GPM6B: variants seen among roughly 807,000 people sequenced by gnomAD.
The protein encoded by GPM6B is neuronal membrane glycoprotein M6-b.
Under a neutral mutation model 27.2 loss-of-function variants are expected in GPM6B, and 4 were observed. That is an observed-to-expected ratio of 0.15 (90% CI 0.07 to 0.34). GPM6B has a LOEUF of 0.34. Ranked by LOEUF, GPM6B falls within the 10% of genes least tolerant of loss-of-function variation. The probability of loss-of-function intolerance (pLI) is 1.00; values close to 1 mark genes in which losing one functional copy is unlikely to be tolerated. For missense variants in GPM6B, 183 were observed against 261.9 expected (o/e 0.70, Z 2.08); for synonymous variants, 124 against 103.1 (o/e 1.20, Z -1.23).
At chrX:13,858,263 C>T (rs2049804257) in intron 1 of GPM6B, among the ~76,000 whole-genome samples, 1 of 111,785 alleles carries the variant, frequency 8.9e-6, no homozygotes. Context: ...CTGGCTCTCT[C>T]TACACCTCTC....
At chrX:13,847,808 G>A (rs1274209327) in intron 1 of GPM6B, among the ~76,000 whole-genome samples, 5 of 112,084 alleles carry the variant, frequency 4.5e-5, no homozygotes. Context: ...GTTTAAATTG[G>A]TATGGCCATA....
At chrX:13,795,774 C>T (rs1359497530) in intron 2 of GPM6B, among the ~76,000 whole-genome samples, 4 of 92,013 alleles carry the variant, frequency 4.3e-5, no homozygotes, top group Non-Finnish European at 8.3e-5. Flanking sequence ...GATGGAGTCT[C>T]GCTCCATCTT....
At chrX:13,895,243 G>C (rs1354329184) in intron 1 of GPM6B, among the ~76,000 whole-genome samples, 1 of 111,380 alleles carries the variant, frequency 9.0e-6, no homozygotes, top group East Asian at 2.8e-4. Context: ...AATGGCTACA[G>C]TAAAACCCGT....
At chrX:13,883,826 C>T (rs890806785) in intron 1 of GPM6B, among the ~76,000 whole-genome samples, 3 of 108,663 alleles carry the variant, frequency 2.8e-5, no homozygotes, top group Non-Finnish European at 3.8e-5. Context: ...CCAGCCTGGG[C>T]GATAGCGTGA....
intron 1 of GPM6B, among the ~76,000 whole-genome samples, chrX:13,898,300 G>C (rs1285926380): frequency 8.9e-6 from 1 of 112,421 alleles, no homozygotes; most frequent in Non-Finnish European, 1.9e-5. Flanking sequence ...ATGTCTGCAA[G>C]ACATTGCCAA....
intron 1 of GPM6B, among the ~76,000 whole-genome samples, chrX:13,927,555 C>T (rs1921273557): frequency 8.9e-6 from 1 of 112,753 alleles, no homozygotes; most frequent in South Asian, 3.6e-4. Flanking sequence ...GCCTTTGGGC[C>T]TTTGTCCACA....
chrX:13,809,094 C>T (rs992360807), intron 1 of GPM6B, among the ~76,000 whole-genome samples: 2 of 111,684 alleles, frequency 1.8e-5, no homozygotes, highest in African/African-American at 6.5e-5. Flanking sequence ...GCATGTGGTA[C>T]TTATTACATT....
intron 2 of GPM6B, among the ~76,000 whole-genome samples, chrX:13,800,609 G>A (rs1262321784): frequency 8.9e-6 from 1 of 112,082 alleles, no homozygotes; most frequent in Non-Finnish European, 1.9e-5. Context: ...GGATGTGGAG[G>A]TTTGACTTTG....
At chrX:13,874,937 T>TCCCCCCC (rs71876153) in intron 1 of GPM6B, among the ~76,000 whole-genome samples, 1 of 97,375 alleles carries the variant, frequency 1.0e-5, no homozygotes, top group African/African-American at 3.9e-5. Flanking sequence ...CACATACCAA[T>TCCCCCCC]CCCCCCCCCA....
chrX:13,799,404 T>TA (rs1384660552), intron 2 of GPM6B, among the ~76,000 whole-genome samples: 39 of 102,045 alleles, frequency 3.8e-4, no homozygotes, highest in Non-Finnish European at 5.2e-4. Flanking sequence ...TTATTATTAT[T>TA]TTTTTTTTAG....
chrX:13,785,628 C>T lies in GPM6B; in HGVS notation c.362G>A (p.Ser121Asn). 1.7e-6 allele frequency: 2 copies of T among 1,210,961 alleles called. No homozygotes were observed. Among genetic ancestry groups the T allele is most frequent in the Non-Finnish European group, 2.2e-6 (2 of 894,916 alleles). Residue 121 changes from serine to asparagine, a missense_variant, in exon 3 of 8, where the codon AGC (serine) becomes AAC (asparagine). Physicochemically the swap from Ser to Asn is conservative, Grantham distance 46. Coordinates refer to ENST00000316715, the MANE Select transcript of GPM6B (RefSeq NM_001001995.3). ...AAGGGAACCGGATACTTACACCTCG[C>T]TCAGCAAGGCATGGTCACTGGCGTT... The part of the protein sequence containing the change: ...STNASDHALL[S>N]EVIQLMQYVI...
At chrX:13,903,032 G>C (rs1351949044) in intron 1 of GPM6B, among the ~76,000 whole-genome samples, 1 of 112,342 alleles carries the variant, frequency 8.9e-6, no homozygotes, top group African/African-American at 3.2e-5. Context: ...AACCTAACAT[G>C]GGTGTCAGAA....
Position 13,932,416 on chromosome X carries a change from C to T in GPM6B, c.-198+5911G>A, listed in dbSNP as rs1603151435. ...TTTCCTCAGACAGATACTCTTTTTC[C>T]TACAGGATCTTGTACTTTTATTATA... On this transcript the variant is annotated intron_variant, in intron 1 of 6. Coordinates refer to the GPM6B transcript ENST00000398361. Among the ~76,000 whole-genome samples the T allele has an allele frequency of 2.7e-5, 3 of 112,459 alleles. 1 individual carries two copies. In the Admixed American group the frequency reaches 2.8e-4, roughly 11 times the overall value.
intron 1 of GPM6B, among the ~76,000 whole-genome samples, chrX:13,914,932 CAATT>C (rs771676205): frequency 8.1e-5 from 9 of 110,674 alleles, no homozygotes; most frequent in Non-Finnish European, 1.5e-4. Flanking sequence ...AGATCTGGCC[CAATT>C]GATTGTGACT....
chrX:13,890,246 C>T lies in GPM6B; in HGVS notation c.-198+48081G>A, dbSNP rs753008481. Among the ~76,000 whole-genome samples the T allele has an allele frequency of 1.3e-4, 14 of 111,755 alleles. No individual in the cohort carries two copies. The East Asian group carries it at 3.4e-3, about 27-fold the overall frequency. Reference sequence around the variant, plus strand: ...GTCCTCACTGCTACACTCCCACCAGCGCCATGACAGTTTACAAATACCATG... The same window carrying T: ...GTCCTCACTGCTACACTCCCACCAGTGCCATGACAGTTTACAAATACCATG... On this transcript the variant is annotated intron_variant, in intron 1 of 6. Coordinates refer to the GPM6B transcript ENST00000398361.
intron 2 of GPM6B, among the ~76,000 whole-genome samples, chrX:13,789,191 T>C (rs2048666132): frequency 8.9e-6 from 1 of 111,912 alleles, no homozygotes; most frequent in Non-Finnish European, 1.9e-5. Flanking sequence ...AGGGTTAAGA[T>C]TGCATGTGTG....
intron 1 of GPM6B, among the ~76,000 whole-genome samples, chrX:13,812,328 C>T (rs1211468434): frequency 1.8e-5 from 2 of 110,416 alleles, no homozygotes; most frequent in Admixed American, 9.6e-5. Flanking sequence ...GGTGGGATTA[C>T]AGGCGTGAGC....
intron 1 of GPM6B, among the ~76,000 whole-genome samples, chrX:13,815,297 G>A (rs776766772): frequency 8.9e-6 from 1 of 111,817 alleles, no homozygotes; most frequent in Non-Finnish European, 1.9e-5. Flanking sequence ...GGATAAAATC[G>A]TGATAGGCTT....
intron 2 of GPM6B, among the ~76,000 whole-genome samples, chrX:13,792,705 T>G (rs2048735629): frequency 9.0e-6 from 1 of 110,910 alleles, no homozygotes. Context: ...ATCGACACCA[T>G]CCCAGCCAAC....
Sources: allele counts gnomAD v4.1 joint callset (sites outside exome capture counted in the v4.1 genomes callset), GRCh38; gene constraint gnomAD v4.1.1; transcripts MANE v1.5; gene names NCBI Gene and HGNC (gene_info 2026-07-23, HGNC 2026-07-21).